Variants in TNXB observed in about 807,000 individuals in gnomAD.
TNXB encodes tenascin-X.
A neutral mutation model predicts 340.5 loss-of-function variants in TNXB; 183 were observed. That is an observed-to-expected ratio of 0.54 (90% CI 0.48 to 0.61). TNXB has a LOEUF of 0.61. Among genes scored for constraint, TNXB ranks in the 20% least tolerant of loss-of-function variants. The probability of loss-of-function intolerance (pLI) is 0.00; values close to 1 mark genes in which losing one functional copy is unlikely to be tolerated. For synonymous variants in TNXB, 2,121 were observed against 2,314.5 expected (o/e 0.92, Z 2.40); for missense variants, 4,613 against 5,446.4 (o/e 0.85, Z 4.82).
Position 32,081,438 on chromosome 6 carries a change from C to A in TNXB, c.3972G>T (p.Lys1324Asn). Residue 1324 changes from lysine (K) to asparagine (N), a missense_variant, in exon 10 of 44, where the codon AAG becomes AAT. Lys to Asn is a moderately conservative substitution (Grantham distance 94, BLOSUM62 0). Transcript: ENST00000644971. This position sits in a 1 kb window ranked among gnomAD's most constrained non-coding sequence, Gnocchi z 5.1. ...GAAGCCCGTAGAGGTTCATCTTATA[C>A]TTCCGGTCGGGATCCAGGCCGGGGA... Reference protein sequence around the residue: ...VTVPGLDPDRKYKMNLYGLRG... With the variant: ...VTVPGLDPDRNYKMNLYGLRG... The A allele has an allele frequency of 6.4e-7, 1 of 1,571,814 alleles. No individual in the cohort carries two copies. The highest frequency in any genetic ancestry group is 1.2e-5 in the South Asian group (1 of 85,446).
chr6:32,074,032 A>T lies in TNXB; in HGVS notation c.4376-80T>A. The T allele has an allele frequency of 7.8e-7, 1 of 1,289,268 alleles. No individual in the cohort carries two copies. The highest frequency in any genetic ancestry group is 1.8e-5 in the South Asian group (1 of 56,454). 79.9% of individuals were successfully genotyped at this position (1,289,268 alleles called of 1,614,324 possible). A position where few individuals can be genotyped will look rare whatever the true frequency, so the allele number is the denominator to read the frequency against. On this transcript the variant is annotated intron_variant, in intron 11 of 43. Transcript: ENST00000644971. This position sits in a 1 kb window ranked among gnomAD's most constrained non-coding sequence, Gnocchi z 5.5. ...AATGATGTCTAGTTATTTATTTTTT[A>T]TTTTTTATTTTTGAGATGGAGTCTC...
At position 32,089,444 on chromosome 6, in the gene TNXB, T is replaced by C; in HGVS notation, c.2359-65A>G. The C allele has an allele frequency of 4.6e-6, 7 of 1,531,328 alleles. No homozygotes were observed. The highest frequency in any genetic ancestry group is 6.2e-6 in the Non-Finnish European group (7 of 1,137,442). 94.9% of individuals were successfully genotyped at this position (1,531,328 alleles called of 1,614,324 possible). On this transcript the variant is annotated intron_variant, in intron 4 of 43. Transcript: ENST00000644971. The surrounding 1 kb of genome is among the most constrained non-coding windows in gnomAD (Gnocchi z 6.2). ...CTTGCCTCTGCTGCTCAATCCCCCT[T>C]ATCTCTTCTTTCTCCAATTCTAAAC...
In TNXB at chr6:32,096,748, T is replaced by G. The variant is rs1780411179; in HGVS notation, c.1105A>C (p.Ser369Arg). Residue 369 changes from serine (S) to arginine (R), a missense_variant, in exon 3 of 44, where the codon AGC (serine) becomes CGC (arginine). By Grantham distance (110) the Ser-to-Arg change is moderately radical. Coordinates refer to ENST00000644971, the MANE Select transcript of TNXB (RefSeq NM_001365276.2). ...CAGTCCCTCGGACATGTCCGCGTGC[T>G]GCAGTCCTCGCCTGTGTACCCGGGC... ...CWPGYTGEDC[S>R]TRTCPRDCRG... 2 of 1,529,648 alleles carry G rather than the reference T, an allele frequency of 1.3e-6. No individual in the cohort carries two copies. Among genetic ancestry groups the G allele is most frequent in the African/African-American group, 3.0e-5 (2 of 67,300 alleles). The allele number at this position is 1,529,648 out of a possible 1,614,324, so 94.8% of individuals were successfully genotyped here.
rs1277808112 is a variant in TNXB, at chr6:32,073,569, G to T, written c.4681+78C>A. ...TCAGTGAGGGTGCGGTGGTACCAAG[G>T]CAGGGCTGGAAGAAGGGCCATGGGG... On this transcript the variant is annotated intron_variant, in intron 12 of 43. Coordinates refer to ENST00000644971, the MANE Select transcript of TNXB (RefSeq NM_001365276.2). The surrounding 1 kb of genome is among the most constrained non-coding windows in gnomAD (Gnocchi z 4.6). 3 of 1,362,994 alleles carry T rather than the reference G, an allele frequency of 2.2e-6. No individual in the cohort carries two copies. The highest frequency in any genetic ancestry group is 2.0e-6 in the Non-Finnish European group (2 of 991,064). The allele number at this position is 1,362,994 out of a possible 1,614,324, so 84.4% of individuals were successfully genotyped here.
rs765028734 is a variant in TNXB, at chr6:32,081,646, C to CG, written c.3763dup (p.Arg1255ProfsTer3). ...GAGGGGCTGCTCCAGGAACTCAGGG[C>CG]GGGGGGGCTCCTCTTTCCTCTCTGG... On this transcript the variant is annotated frameshift_variant, in exon 10 of 44. Coordinates refer to ENST00000644971, the MANE Select transcript of TNXB (RefSeq NM_001365276.2). LOFTEE classifies it high-confidence loss of function. This position sits in a 1 kb window ranked among gnomAD's most constrained non-coding sequence, Gnocchi z 5.1. 1.4e-5 allele frequency: 22 copies of CG among 1,590,334 alleles called. No individual in the cohort carries two copies. The highest frequency in any genetic ancestry group is 6.8e-5 in the East Asian group (3 of 44,288).
At position 32,048,391 on chromosome 6, in the gene TNXB, G is replaced by A. The variant is rs370847223; in HGVS notation, c.10017C>T (p.His3339=). The A allele has an allele frequency of 9.8e-6, 15 of 1,523,790 alleles. No homozygotes were observed. Among genetic ancestry groups the A allele is most frequent in the African/African-American group, 4.1e-5 (3 of 73,104 alleles). The allele number at this position is 1,523,790 out of a possible 1,614,324, so 94.4% of individuals were successfully genotyped here. Residue 3339 remains histidine, a synonymous_variant, in exon 29 of 44, where the codon CAC becomes CAT. Transcript: ENST00000644971. ...LLFGLQNGKR[H]GPVPVEARTA... is the part of the protein sequence containing the mutation. ...TCCTGGCCTCCACAGGGACTGGGCCGTGGCGTTTCCCATTCTGGAGTCCAA... is the reference window on the plus strand; with the variant it reads ...TCCTGGCCTCCACAGGGACTGGGCCATGGCGTTTCCCATTCTGGAGTCCAA...
chr6:32,090,880 C>G lies in TNXB; in HGVS notation c.2359-1501G>C, dbSNP rs536605640. Among the ~76,000 whole-genome samples the G allele has an allele frequency of 6.6e-6, 1 of 152,124 alleles. No individual in the cohort carries two copies. Among genetic ancestry groups the G allele is most frequent in the African/African-American group, 2.4e-5 (1 of 41,410 alleles). ...GTATGTCTCTTTCTCTTTATCCACA[C>G]CCACCCCATCCCCACAGCCGCAATA... On this transcript the variant is annotated intron_variant, in intron 4 of 43. Coordinates refer to ENST00000644971, the MANE Select transcript of TNXB (RefSeq NM_001365276.2). This position sits in a 1 kb window ranked among gnomAD's most constrained non-coding sequence, Gnocchi z 4.3.
intron 1 of TNXB, among the ~76,000 whole-genome samples, chr6:32,106,489 G>A (rs1780987657): frequency 6.6e-6 from 1 of 151,928 alleles, no homozygotes; most frequent in Non-Finnish European, 1.5e-5. Flanking sequence ...AGGTGACTGT[G>A]ACACACACAC....
chr6:32,053,333 G>C lies in TNXB; in HGVS notation c.8791+55C>G, dbSNP rs114140791. The C allele has an allele frequency of 5.8e-4, 908 of 1,577,068 alleles. 7 individuals are homozygous for C. In the African/African-American group the frequency reaches 0.01, roughly 18 times the overall value. ...TCCTGGGCCAGTTCACCCATCACCA[G>C]AGAAAGGGAGACCCTCCCACAGGCC... On this transcript the variant is annotated intron_variant, in intron 25 of 43. Coordinates refer to ENST00000644971, the MANE Select transcript of TNXB (RefSeq NM_001365276.2).
rs565059296 is a variant in TNXB, at chr6:32,051,283, G to A, written c.9116-962C>T. 1.9e-4 allele frequency among the ~76,000 whole-genome samples: 29 copies of A among 152,236 alleles called. No individual in the cohort carries two copies. The highest frequency in any genetic ancestry group is 7.0e-4 in the African/African-American group (29 of 41,536). ...GCTCACCCGCCTTTGCTTTCTTACTGGTCCACAGCCTGTCCCCCATGACGT... is the reference window on the plus strand; with the variant it reads ...GCTCACCCGCCTTTGCTTTCTTACTAGTCCACAGCCTGTCCCCCATGACGT... On this transcript the variant is annotated intron_variant, in intron 26 of 43. Transcript: ENST00000644971. The surrounding 1 kb of genome is among the most constrained non-coding windows in gnomAD (Gnocchi z 4.7).
chr6:32,081,687 G>C lies in TNXB; in HGVS notation c.3737-14C>G, dbSNP rs2127255435. 6.4e-7 allele frequency: 1 copy of C among 1,553,044 alleles called. No homozygotes were observed. Among genetic ancestry groups the C allele is most frequent in the East Asian group, 2.4e-5 (1 of 42,482 alleles). ...TCCTCTCTGGAGCTGTAAACAAGGA[G>C]ATCCAGCCAGGTGCTGAACTGGCAG... On this transcript the variant is annotated splice_polypyrimidine_tract_variant and intron_variant, in intron 9 of 43. Transcript: ENST00000644971. This position sits in a 1 kb window ranked among gnomAD's most constrained non-coding sequence, Gnocchi z 5.1.
chr6:32,098,880 G>C (rs1780568150), intron 1 of TNXB, among the ~76,000 whole-genome samples: 1 of 152,160 alleles, frequency 6.6e-6, no homozygotes, highest in Non-Finnish European at 1.5e-5. Flanking sequence ...TCTTCACTCT[G>C]CTCATAAAGG....
Position 32,081,400 on chromosome 6 carries a change from C to G in TNXB, c.4010G>C (p.Arg1337Pro), listed in dbSNP as rs61735731. The G allele has an allele frequency of 1.9e-6, 3 of 1,543,974 alleles. No homozygotes were observed. Among genetic ancestry groups the G allele is most frequent in the Middle Eastern group, 1.7e-4 (1 of 5,988 alleles). ...GGCCACCACAGACTCGGGCCCCACA[C>G]GCTGCCTGCCACGAAGCCCGTAGAG... is the stretch of plus-strand genomic sequence containing the variant. Reference protein sequence around the residue: ...MNLYGLRGRQRVGPESVVAKT... With the variant: ...MNLYGLRGRQPVGPESVVAKT... The change falls in exon 10 of 44, where the codon CGT becomes CCT. Residue 1337 changes from arginine (R) to proline (P), a missense_variant. Arg to Pro is a moderately radical substitution (Grantham distance 103). Coordinates refer to ENST00000644971, the MANE Select transcript of TNXB (RefSeq NM_001365276.2). The surrounding 1 kb of genome is among the most constrained non-coding windows in gnomAD (Gnocchi z 5.1).
Position 32,108,568 on chromosome 6 carries a change from ACCCGAGT to A in TNXB, c.-9+606_-9+612del, listed in dbSNP as rs1781090721. ...TCTGCAGGCTCTGTGCACGTCCCAG[ACCCGAGT>A]CCTGACTGTCCCATTTCAGTATTTC... On this transcript the variant is annotated intron_variant, in intron 1 of 43. Coordinates refer to ENST00000644971, the MANE Select transcript of TNXB (RefSeq NM_001365276.2). This position sits in a 1 kb window ranked among gnomAD's most constrained non-coding sequence, Gnocchi z 4.8. Among the ~76,000 whole-genome samples, 1 of 151,954 alleles carries A rather than the reference ACCCGAGT, an allele frequency of 6.6e-6. No individual in the cohort carries two copies. Among genetic ancestry groups the A allele is most frequent in the Non-Finnish European group, 1.5e-5 (1 of 67,966 alleles).
chr6:32,064,148 T>C lies in TNXB; in HGVS notation c.6841+673A>G, dbSNP rs1485216155. ...TCCCGCCCACCCTTCACGACAGGTA[T>C]GGTTATTCCTTCTTTACAGATGAGG... On this transcript the variant is annotated intron_variant, in intron 19 of 43. Coordinates refer to ENST00000644971, the MANE Select transcript of TNXB (RefSeq NM_001365276.2). This position sits in a 1 kb window ranked among gnomAD's most constrained non-coding sequence, Gnocchi z 5.3. Among the ~76,000 whole-genome samples, 2 of 152,190 alleles carry C rather than the reference T, an allele frequency of 1.3e-5. No homozygotes were observed. The highest frequency in any genetic ancestry group is 4.8e-5 in the African/African-American group (2 of 41,450).
chr6:32,100,212 C>T (rs1409503926), intron 1 of TNXB, among the ~76,000 whole-genome samples: 1 of 151,772 alleles, frequency 6.6e-6, no homozygotes, highest in African/African-American at 2.4e-5. Flanking sequence ...TCAAGTGATT[C>T]TCCTACCTCA....
In TNXB at chr6:32,067,151, G is replaced by GAAAGAAAGAAAT. The variant is rs2151912861; in HGVS notation, c.6544+509_6544+510insATTTCTTTCTTT. Among the ~76,000 whole-genome samples, 1 of 149,034 alleles carries GAAAGAAAGAAAT rather than the reference G, an allele frequency of 6.7e-6. No individual in the cohort carries two copies. The highest frequency in any genetic ancestry group is 2.0e-4 in the East Asian group (1 of 5,084). ...AGGAAGGAAGAAAGAAAGAAAGAAA[G>GAAAGAAAGAAAT]AAAGAAAGAAAGAAAGAAAGAAAGA... On this transcript the variant is annotated intron_variant, in intron 18 of 43. Coordinates refer to ENST00000644971, the MANE Select transcript of TNXB (RefSeq NM_001365276.2). The surrounding 1 kb of genome is among the most constrained non-coding windows in gnomAD (Gnocchi z 4.2).
rs1247878826 is a variant in TNXB, at chr6:32,052,955, T to G, written c.8830A>C (p.Thr2944Pro). The G allele has an allele frequency of 1.2e-6, 2 of 1,612,288 alleles. No individual in the cohort carries two copies. Among genetic ancestry groups the G allele is most frequent in the South Asian group, 2.2e-5 (2 of 91,066 alleles). Reference protein sequence around the residue: ...EETPAPTEPSTEAPEPPEEPL... With the variant: ...EETPAPTEPSPEAPEPPEEPL... ...TCCTCAGGGGGCTCCGGGGCCTCCG[T>G]GCTGGGTTCTGTGGGGGCGGGAGTT... The change falls in exon 26 of 44, where the codon ACG becomes CCG. Residue 2944 changes from threonine (T) to proline (P), a missense_variant. Physicochemically the swap from Thr to Pro is conservative, Grantham distance 38. Coordinates refer to ENST00000644971, the MANE Select transcript of TNXB (RefSeq NM_001365276.2). The surrounding 1 kb of genome is among the most constrained non-coding windows in gnomAD (Gnocchi z 4.7).
chr6:32,092,710 GAAAGA>G (rs1780135379), intron 4 of TNXB, among the ~76,000 whole-genome samples: 1 of 150,794 alleles, frequency 6.6e-6, no homozygotes, highest in Admixed American at 6.6e-5. Context: ...AAAAAAGAAA[GAAAGA>G]AAAGAAAAGA....
Sources: gnomAD v4.1 joint callset for allele counts (sites outside exome capture counted in the v4.1 genomes callset) on GRCh38, gnomAD v4.1.1 for gene constraint, Gnocchi (gnomAD v3.1) non-coding constraint, MANE v1.5 for transcripts, NCBI Gene and HGNC (gene_info 2026-07-23, HGNC 2026-07-21) for gene names.